Variants in SFI1 observed in about 807,000 individuals in gnomAD.
The protein encoded by SFI1 is SFI1 centrin binding protein.
A neutral mutation model predicts 207.5 loss-of-function variants in SFI1; 195 were observed. The observed-to-expected ratio is 0.94, with a 90% CI of 0.84 to 1.06. The LOEUF is 1.06. SFI1 is among the 50% of genes least tolerant of loss of function. The pLI, the probability that SFI1 is intolerant of heterozygous loss-of-function variation, is 0.00. For missense variants in SFI1, 1,634 were observed against 1,588.0 expected (o/e 1.03, Z -0.49); for synonymous variants, 630 against 598.9 (o/e 1.05, Z -0.76).
intron 3 of SFI1, among the ~76,000 whole-genome samples, chr22:31,530,440 A>ACAT (rs1273189816): frequency 7.7e-6 from 1 of 129,678 alleles, no homozygotes; most frequent in East Asian, 2.4e-4. Context: ...CAGTGAGCAG[A>ACAT]CATTGGGCCA....
At chr22:31,578,481 C>T (rs755588538) in intron 11 of SFI1, 29 bp downstream of exon 11, 18 of 1,602,736 alleles carry the variant, frequency 1.1e-5, no homozygotes, top group African/African-American at 9.4e-5. Flanking sequence ...GGCACGGGTC[C>T]GCTTGGCAGC....
chr22:31,520,143 A>G (rs2057042378), intron 2 of SFI1, among the ~76,000 whole-genome samples: 1 of 151,542 alleles, frequency 6.6e-6, no homozygotes, highest in Non-Finnish European at 1.5e-5. Context: ...GAATTATTAT[A>G]TGGCAGACAC....
At chr22:31,510,904 C>A (rs909703946) in intron 2 of SFI1, among the ~76,000 whole-genome samples, 1 of 152,068 alleles carries the variant, frequency 6.6e-6, no homozygotes, top group African/African-American at 2.4e-5. Context: ...TTTTGGTGAT[C>A]CATGTCTTCT....
At position 31,611,206 on chromosome 22, in the gene SFI1, T is replaced by G. The variant is rs763188904; in HGVS notation, c.2318T>G (p.Leu773Arg). Residue 773 changes from leucine (L) to arginine (R), a missense_variant, in exon 23 of 33, where the codon CTG becomes CGG. Physicochemically the swap from Leu to Arg is moderately radical, Grantham distance 102 (BLOSUM62 -2). Coordinates refer to ENST00000400288, the MANE Select transcript of SFI1 (RefSeq NM_001007467.3). ...DCSRRSAQQR[L>R]QLERAVQHHH... ...AGCCGGAGGTCAGCCCAGCAGAGACTGCAGCTGGAGAGGGCAGTGCAACAC... is the reference window on the plus strand; with the variant it reads ...AGCCGGAGGTCAGCCCAGCAGAGACGGCAGCTGGAGAGGGCAGTGCAACAC... 6.2e-7 allele frequency: 1 copy of G among 1,614,076 alleles called. No individual in the cohort carries two copies. Among genetic ancestry groups the G allele is most frequent in the Admixed American group, 1.7e-5 (1 of 60,026 alleles).
intron 2 of SFI1, among the ~76,000 whole-genome samples, chr22:31,526,545 C>G (rs1029338273): frequency 2.0e-5 from 3 of 152,118 alleles, no homozygotes; most frequent in South Asian, 2.1e-4. Flanking sequence ...GGGGGCACAG[C>G]TAAACCATAT....
intron 2 of SFI1, among the ~76,000 whole-genome samples, chr22:31,519,639 T>G (rs2056972334): frequency 6.6e-6 from 1 of 151,952 alleles, no homozygotes; most frequent in Non-Finnish European, 1.5e-5. Context: ...GGTTTCACCA[T>G]GTTGGCCAGG....
intron 31 of SFI1, 95 bp from the exon 32 acceptor site, chr22:31,618,020 C>T (rs750463050): frequency 2.2e-6 from 3 of 1,370,232 alleles, no homozygotes; most frequent in Non-Finnish European, 3.0e-6. Flanking sequence ...CCACCCGATA[C>T]CCGCATCAGA....
At chr22:31,557,718 A>G (rs1266236531) in intron 7 of SFI1, among the ~76,000 whole-genome samples, 1 of 152,232 alleles carries the variant, frequency 6.6e-6, no homozygotes, top group Non-Finnish European at 1.5e-5. Context: ...ATTAAGATGT[A>G]CAATAAGGCT....
At chr22:31,530,390 T>TGAGGCAGGAGAATGGTGTG (rs1291592154) in intron 3 of SFI1, among the ~76,000 whole-genome samples, 1 of 142,666 alleles carries the variant, frequency 7.0e-6, no homozygotes, top group Non-Finnish European at 1.5e-5. Context: ...CTCGGGAGGC[T>TGAGGCAGGAGAATGGTGTG]GAGGCAGGAG....
intron 4 of SFI1, chr22:31,538,516 G>T: frequency 6.5e-6 from 1 of 154,368 alleles, no homozygotes; most frequent in Non-Finnish European, 1.4e-5. Context: ...GTAGCACCTA[G>T]GCATCAAAGA....
At chr22:31,612,681 C>CA (rs1418214071) in intron 24 of SFI1, 2 of 163,258 alleles carry the variant, frequency 1.2e-5, no homozygotes, top group East Asian at 3.4e-4. Flanking sequence ...GTGATCATGC[C>CA]ACTGCACTTC....
intron 6 of SFI1, among the ~76,000 whole-genome samples, chr22:31,555,562 G>T (rs2061083848): frequency 6.6e-6 from 1 of 152,166 alleles, no homozygotes; most frequent in African/African-American, 2.4e-5. Flanking sequence ...CAGTTAATGA[G>T]ATTCCTGTGT....
intron 4 of SFI1, among the ~76,000 whole-genome samples, chr22:31,534,078 G>C (rs890712953): frequency 6.6e-6 from 1 of 152,026 alleles, no homozygotes; most frequent in Non-Finnish European, 1.5e-5. Context: ...CCCTCTCTTT[G>C]TGTATATTTT....
rs1275922069 is a variant in SFI1 at position 31,575,356 on chromosome 22, A to G, written c.1048A>G (p.Met350Val). The part of the protein sequence containing the change: ...HAQVEKLARK[M>V]ALRRAFTHWK... ...CCAGGTGGAGAAACTGGCCAGGAAG[A>G]TGGCCCTGCGGCGCGCCTTTACTCA... The change falls in exon 10 of 33, where the codon ATG becomes GTG. Residue 350 changes from methionine (M) to valine (V), a missense_variant. Transcript: ENST00000400288. 1.9e-6 allele frequency: 3 copies of G among 1,612,294 alleles called. No individual in the cohort carries two copies. The highest frequency in any genetic ancestry group is 2.5e-6 in the Non-Finnish European group (3 of 1,179,434).
In SFI1 at chr22:31,521,409, A is replaced by G. The variant is rs373118718; in HGVS notation, c.93-7281A>G. 7 of 162,800 alleles carry G rather than the reference A, an allele frequency of 4.3e-5. No individual in the cohort carries two copies. The South Asian group carries it at 9.9e-4, about 23-fold the overall frequency. The allele number at this position is 162,800 out of a possible 1,614,324, so 10.1% of individuals were successfully genotyped here. On this transcript the variant is annotated intron_variant, in intron 2 of 32. Coordinates refer to ENST00000400288, the MANE Select transcript of SFI1 (RefSeq NM_001007467.3). ...AAGTATCTCTGCAGTGAGGTATCCAAGGATGGCTGCACTGTTCACAGTGGC... is the reference window on the plus strand; with the variant it reads ...AAGTATCTCTGCAGTGAGGTATCCAGGGATGGCTGCACTGTTCACAGTGGC...
intron 6 of SFI1, among the ~76,000 whole-genome samples, chr22:31,555,084 T>C (rs762400104): frequency 1.1e-4 from 17 of 152,200 alleles, no homozygotes; most frequent in Non-Finnish European, 2.5e-4. Flanking sequence ...GCCCCAAATA[T>C]GCTCTATCTT....
At chr22:31,611,548 C>T (rs1003925147) in intron 23 of SFI1, among the ~76,000 whole-genome samples, 5 of 152,182 alleles carry the variant, frequency 3.3e-5, no homozygotes, top group Admixed American at 2.0e-4. Context: ...CGGAAAAACC[C>T]GGTTCATGCT....
At chr22:31,515,777 G>C (rs1185220067) in intron 2 of SFI1, among the ~76,000 whole-genome samples, 1 of 140,106 alleles carries the variant, frequency 7.1e-6, no homozygotes, top group African/African-American at 2.7e-5. Context: ...TCCCTCTGTT[G>C]CCCAGGCTGG....
intron 8 of SFI1, 93 bp from the exon 9 acceptor site, chr22:31,572,965 C>T: frequency 7.6e-7 from 1 of 1,311,320 alleles, no homozygotes; most frequent in Non-Finnish European, 1.1e-6. Flanking sequence ...TCAGCCTTTC[C>T]AGCGTGTGTG....
Sources: gnomAD v4.1 joint callset for allele counts (sites outside exome capture counted in the v4.1 genomes callset) on GRCh38, gnomAD v4.1.1 for gene constraint, MANE v1.5 for transcripts, NCBI Gene and HGNC (gene_info 2026-07-23, HGNC 2026-07-21) for gene names.